Variants in DNAH17 observed in about 807,000 individuals in gnomAD.
The protein encoded by DNAH17 is axonemal beta dynein heavy chain 17.
In DNAH17, 376 loss-of-function variants were observed where a neutral mutation model predicts 485.6. The ratio of observed to expected loss-of-function variants is 0.77; its 90% confidence interval spans 0.71 to 0.84. The LOEUF (loss-of-function observed/expected upper bound fraction) is 0.84, where lower values mean the gene tolerates loss of function less well. DNAH17 is among the 40% of genes least tolerant of loss of function. The pLI is 0.00. For synonymous variants in DNAH17, 3,031 were observed against 2,405.9 expected, an observed-to-expected ratio of 1.26 and a Z score of -7.60; for missense variants, 6,370 against 5,839.3, an observed-to-expected ratio of 1.09 and a Z score of -2.96.
intron 9 of DNAH17, among the ~76,000 whole-genome samples, chr17:78,568,072 C>A (rs1388510013): frequency 6.6e-6 from 1 of 152,192 alleles, no homozygotes; most frequent in East Asian, 1.9e-4. Context: ...GAGCTCTTGG[C>A]TCTTCCACCC....
Position 78,569,359 on chromosome 17 carries a change from T to C in DNAH17, c.1197+16A>G. The stretch of plus-strand genomic sequence containing the variant: ...ACTCGTCCTGCCTTGGCCCTCGCCC[T>C]GCGAGGAAGGGGTACCTTAAAGAAA... On this transcript the variant is annotated intron_variant, in intron 8 of 80. Transcript: ENST00000389840. The C allele has an allele frequency of 1.2e-6, 2 of 1,612,260 alleles. No individual in the cohort carries two copies. The highest frequency in any genetic ancestry group is 1.7e-6 in the Non-Finnish European group (2 of 1,179,068).
intron 79 of DNAH17, among the ~76,000 whole-genome samples, 197 bp downstream of exon 79, chr17:78,426,260 C>T (rs1305930076): frequency 6.6e-6 from 1 of 152,218 alleles, no homozygotes; most frequent in Non-Finnish European, 1.5e-5. Context: ...TTGTTTTCCT[C>T]CTTTGGGAGG....
chr17:78,508,474 C>A (rs2090548238), intron 27 of DNAH17, among the ~76,000 whole-genome samples: 1 of 152,222 alleles, frequency 6.6e-6, no homozygotes. Context: ...GTCTTCCTTT[C>A]CTCCCATACC....
intron 75 of DNAH17, 104 bp from the exon 76 acceptor site, chr17:78,429,404 T>C: frequency 7.9e-7 from 1 of 1,272,586 alleles, no homozygotes; most frequent in South Asian, 1.4e-5. Context: ...CAGCCATTGG[T>C]GCTGTGTCCT....
chr17:78,458,409 A>G, intron 62 of DNAH17, 156 bp downstream of exon 62: 1 of 649,206 alleles, frequency 1.5e-6, no homozygotes, highest in Non-Finnish European at 2.7e-6. Context: ...GCAAGAGGCC[A>G]AGTTTTATCC....
intron 78 of DNAH17, 87 bp downstream of exon 78, chr17:78,426,839 G>A: frequency 1.3e-6 from 2 of 1,486,542 alleles, no homozygotes. Context: ...TCCGGGGCCT[G>A]TGCTAGGCCT....
intron 31 of DNAH17, 151 bp from the exon 32 acceptor site, chr17:78,503,162 GAC>G (rs904028973): frequency 3.6e-5 from 13 of 361,262 alleles, no homozygotes; most frequent in Admixed American, 5.4e-5. Flanking sequence ...CAGTAACAGT[GAC>G]ACACCTTTTT....
Position 78,486,505 on chromosome 17 carries a change from C to T in DNAH17, c.6820G>A (p.Val2274Met), listed in dbSNP as rs1598557892. 1 of 1,598,506 alleles carries T rather than the reference C, an allele frequency of 6.3e-7. No individual in the cohort carries two copies. The highest frequency in any genetic ancestry group is 8.5e-7 in the Non-Finnish European group (1 of 1,169,976). ...CGCCTCTCGATCCAGCTGCTCACCACCCTGGGGGTGACAGGAGGCGCCGAT... is the reference window on the plus strand; with the variant it reads ...CGCCTCTCGATCCAGCTGCTCACCATCCTGGGGGTGACAGGAGGCGCCGAT... ...INPADLGWNPVVSSWIERRKV... is the reference protein window; with the variant it reads ...INPADLGWNPMVSSWIERRKV... The change falls in exon 45 of 81, where the codon GTG becomes ATG. Residue 2274 changes from valine (V) to methionine (M), a missense_variant and splice_region_variant. Transcript: ENST00000389840.
chr17:78,445,749 C>G, intron 69 of DNAH17, 69 bp from the exon 70 acceptor site: 1 of 1,525,926 alleles, frequency 6.6e-7, no homozygotes, highest in Non-Finnish European at 8.9e-7. Flanking sequence ...AAGATGCGCG[C>G]TGGACTCGAA....
At chr17:78,575,951 C>T (rs964616150) in intron 1 of DNAH17, among the ~76,000 whole-genome samples, 10 of 152,174 alleles carry the variant, frequency 6.6e-5, no homozygotes, top group African/African-American at 1.2e-4. Flanking sequence ...GCCTTGGAGG[C>T]GAGTTCTGCA....
chr17:78,528,072 C>T (rs1334232615), intron 22 of DNAH17, among the ~76,000 whole-genome samples: 5 of 152,074 alleles, frequency 3.3e-5, no homozygotes, highest in Admixed American at 3.3e-4. Flanking sequence ...AGCCACCACA[C>T]CGGGCCATAA....
At position 78,500,414 on chromosome 17, in the gene DNAH17, G is replaced by A. The variant is rs1377143119; in HGVS notation, c.5531C>T (p.Ala1844Val). The change falls in exon 36 of 81, where the codon GCC (alanine) becomes GTC (valine). Residue 1844 changes from alanine to valine, a missense_variant. Transcript: ENST00000389840. ...GCCGGTCCCAGCGGGGCCGGCAGGG[G>A]CTCCACCCATGATGAGATGGAGGGA... ...TQSLHLIMGG[A>V]PAGPAGTGKT... The A allele has an allele frequency of 6.2e-7, 1 of 1,609,600 alleles. No homozygotes were observed. The highest frequency in any genetic ancestry group is 8.5e-7 in the Non-Finnish European group (1 of 1,178,736).
At chr17:78,478,935 C>T (rs1259622599) in intron 51 of DNAH17, 90 bp downstream of exon 51, 3 of 1,066,964 alleles carry the variant, frequency 2.8e-6, no homozygotes, top group Non-Finnish European at 4.2e-6. Flanking sequence ...CATCAGTCCA[C>T]ACCTCCCTGA....
chr17:78,493,988 C>G (rs879751905), intron 41 of DNAH17, 48 bp downstream of exon 41: 1 of 1,580,794 alleles, frequency 6.3e-7, no homozygotes, highest in Non-Finnish European at 8.6e-7. Context: ...CCCCAGCCCT[C>G]CCCCACCATG....
At chr17:78,476,804 C>T in intron 51 of DNAH17, 71 bp from the exon 52 acceptor site, 1 of 1,527,600 alleles carries the variant, frequency 6.5e-7, no homozygotes, top group Non-Finnish European at 8.8e-7. Context: ...ACACAGATGA[C>T]CCTGAGGAGC....
chr17:78,437,405 T>G (rs1207680551), intron 74 of DNAH17, among the ~76,000 whole-genome samples: 1 of 152,250 alleles, frequency 6.6e-6, no homozygotes, highest in East Asian at 1.9e-4. Context: ...AACTATGTGT[T>G]TCTGCATCTA....
At chr17:78,453,519 G>C in intron 64 of DNAH17, 54 bp from the exon 65 acceptor site, 1 of 1,604,776 alleles carries the variant, frequency 6.2e-7, no homozygotes. Flanking sequence ...TGATGGAACG[G>C]TGCGCACGCT....
chr17:78,484,483 G>A (rs72925884), intron 48 of DNAH17, among the ~76,000 whole-genome samples: 78 of 152,198 alleles, frequency 5.1e-4, no homozygotes, highest in South Asian at 2.1e-3. Flanking sequence ...GACTGCACTG[G>A]GGGTTTTCCT....
chr17:78,426,685 C>G (rs753748232), intron 78 of DNAH17, 85 bp from the exon 79 acceptor site: 2 of 1,509,810 alleles, frequency 1.3e-6, no homozygotes, highest in East Asian at 4.5e-5. Context: ...GAGTTGTCAA[C>G]ACAGTGTGGC....
Sources: gnomAD v4.1 joint callset for allele counts (sites outside exome capture counted in the v4.1 genomes callset) on GRCh38, gnomAD v4.1.1 for gene constraint, MANE v1.5 for transcripts, NCBI Gene and HGNC (gene_info 2026-07-23, HGNC 2026-07-21) for gene names.